Variants in KIF6 observed in about 807,000 individuals in gnomAD.
KIF6 encodes the protein kinesin family member 6, also known as kinesin-like protein KIF6.
In KIF6, 106 loss-of-function variants were observed where a neutral mutation model predicts 112.7. That is an observed-to-expected ratio of 0.94 (90% CI 0.80 to 1.11). KIF6 has a LOEUF of 1.11. Among genes scored for constraint, KIF6 ranks in the 50% least tolerant of loss-of-function variants. The pLI, the probability that KIF6 is intolerant of heterozygous loss-of-function variation, is 0.00. For synonymous variants in KIF6, 339 were observed against 339.9 expected (o/e 1.00, Z 0.03); for missense variants, 929 against 964.0 (o/e 0.96, Z 0.48).
intron 3 of KIF6, among the ~76,000 whole-genome samples, chr6:39,648,227 G>T (rs1561895707): frequency 3.1e-5 from 2 of 64,350 alleles, no homozygotes; most frequent in Admixed American, 1.6e-4. Context: ...GGCGGGCGGG[G>T]GGGGGTGCCT....
intron 13 of KIF6, among the ~76,000 whole-genome samples, chr6:39,505,831 G>C (rs1415375223): frequency 6.6e-6 from 1 of 152,092 alleles, no homozygotes; most frequent in African/African-American, 2.4e-5. Context: ...CAGAATGGCT[G>C]TTATCAAAAA....
intron 13 of KIF6, among the ~76,000 whole-genome samples, chr6:39,531,902 A>G (rs993978208): frequency 2.6e-5 from 4 of 151,842 alleles, no homozygotes; most frequent in Non-Finnish European, 5.9e-5. Flanking sequence ...ATGTCAATCA[A>G]CCTGTCGTCC....
At position 39,578,051 on chromosome 6, in the gene KIF6, C is replaced by T; in HGVS notation, c.1181+5G>A. 6.3e-7 allele frequency: 1 copy of T among 1,598,262 alleles called. No homozygotes were observed. The highest frequency in any genetic ancestry group is 8.6e-7 in the Non-Finnish European group (1 of 1,167,004). ...AGAAAAAGAAAAAAAAGTCTGCAGACTTACTGAAGGAGCTCTGCTTCTGTG... is the reference window on the plus strand; with the variant it reads ...AGAAAAAGAAAAAAAAGTCTGCAGATTTACTGAAGGAGCTCTGCTTCTGTG... On this transcript the variant is annotated splice_donor_5th_base_variant and intron_variant, in intron 10 of 22. Coordinates refer to ENST00000287152, the MANE Select transcript of KIF6 (RefSeq NM_145027.6).
rs1319727139 is a variant in KIF6 at position 39,346,470 on chromosome 6, C to G, written c.2231+6G>C. Reference sequence around the variant, plus strand: ...GCTGTCTATGAACCGGGAAGGGGGTCCTCACCAGACATCGAATCTGCCAGT... The same window carrying G: ...GCTGTCTATGAACCGGGAAGGGGGTGCTCACCAGACATCGAATCTGCCAGT... On this transcript the variant is annotated splice_donor_region_variant and intron_variant, in intron 20 of 22. Transcript: ENST00000287152. 2 of 716,562 alleles carry G rather than the reference C, an allele frequency of 2.8e-6. No homozygotes were observed. Among genetic ancestry groups the G allele is most frequent in the Non-Finnish European group, 5.2e-6 (2 of 385,020 alleles). The allele number at this position is 716,562 out of a possible 1,614,324, so 44.4% of individuals were successfully genotyped here.
At position 39,539,029 on chromosome 6, in the gene KIF6, G is replaced by A. The variant is rs879644327; in HGVS notation, c.1645+974C>T. The stretch of plus-strand genomic sequence containing the variant: ...GGGAATTGAACAATGAGAACACATC[G>A]ACACAGGAAGGGGAACATCACACTC... On this transcript the variant is annotated intron_variant, in intron 13 of 22. Coordinates refer to ENST00000287152, the MANE Select transcript of KIF6 (RefSeq NM_145027.6). Among the ~76,000 whole-genome samples, 234 of 134,334 alleles carry A rather than the reference G, an allele frequency of 1.7e-3. 1 individual carries two copies. Among genetic ancestry groups the A allele is most frequent in the Non-Finnish European group, 3.0e-3 (195 of 65,164 alleles). 88.1% of individuals were successfully genotyped at this position (134,334 alleles called of 152,430 possible). A position where few individuals can be genotyped will look rare whatever the true frequency, so the allele number is the denominator to read the frequency against.
At chr6:39,391,709 T>C (rs1460007339) in intron 15 of KIF6, among the ~76,000 whole-genome samples, 1 of 151,998 alleles carries the variant, frequency 6.6e-6, no homozygotes, top group Non-Finnish European at 1.5e-5. Context: ...AATCTCATGC[T>C]AAAAAAAAGA....
intron 3 of KIF6, among the ~76,000 whole-genome samples, chr6:39,673,678 G>A (rs936185923): frequency 2.0e-5 from 3 of 152,186 alleles, no homozygotes; most frequent in African/African-American, 7.2e-5. Context: ...CATGGACTGT[G>A]ACACTAAATA....
At chr6:39,537,882 G>T (rs943670034) in intron 13 of KIF6, among the ~76,000 whole-genome samples, 4 of 152,082 alleles carry the variant, frequency 2.6e-5, no homozygotes, top group African/African-American at 9.7e-5. Context: ...TAGACCAATG[G>T]AACAGAACAG....
intron 3 of KIF6, among the ~76,000 whole-genome samples, chr6:39,695,126 A>G (rs1192741253): frequency 2.6e-5 from 4 of 152,138 alleles, no homozygotes; most frequent in Non-Finnish European, 4.4e-5. Context: ...ATGAAAAAGA[A>G]TCAAACTGGA....
intron 15 of KIF6, among the ~76,000 whole-genome samples, chr6:39,405,760 T>G (rs1034062215): frequency 1.3e-5 from 2 of 152,124 alleles, no homozygotes; most frequent in Non-Finnish European, 2.9e-5. Flanking sequence ...ATAAAATTGG[T>G]GTTATTTCTT....
At chr6:39,715,556 T>A (rs1158567579) in intron 2 of KIF6, among the ~76,000 whole-genome samples, 1 of 146,482 alleles carries the variant, frequency 6.8e-6, no homozygotes, top group Non-Finnish European at 1.5e-5. Context: ...CAGGCTGGAG[T>A]GCAGTGGCGC....
intron 7 of KIF6, among the ~76,000 whole-genome samples, chr6:39,595,593 C>T (rs963285944): frequency 5.9e-5 from 9 of 152,114 alleles, no homozygotes; most frequent in South Asian, 2.1e-4. Context: ...CAGCATGTGA[C>T]GCAGACATAC....
intron 15 of KIF6, among the ~76,000 whole-genome samples, chr6:39,403,658 C>T (rs1768873525): frequency 1.3e-5 from 2 of 152,154 alleles, no homozygotes; most frequent in Non-Finnish European, 2.9e-5. Flanking sequence ...TTTCATTTCT[C>T]TAGGGTAGGT....
chr6:39,623,403 C>T (rs930864441), intron 5 of KIF6, among the ~76,000 whole-genome samples: 2 of 152,178 alleles, frequency 1.3e-5, no homozygotes, highest in Non-Finnish European at 1.5e-5. Flanking sequence ...ATTCCTATTG[C>T]ACACTCAGAA....
intron 9 of KIF6, among the ~76,000 whole-genome samples, chr6:39,581,085 C>T (rs1438312613): frequency 6.6e-6 from 1 of 151,488 alleles, no homozygotes; most frequent in African/African-American, 2.4e-5. Context: ...TTTGGTAGTA[C>T]TCAAAACTTG....
intron 10 of KIF6, among the ~76,000 whole-genome samples, chr6:39,558,380 A>G (rs1779835177): frequency 6.6e-6 from 1 of 152,108 alleles, no homozygotes; most frequent in African/African-American, 2.4e-5. Context: ...ATAAGTGCAC[A>G]TTTTCACACT....
rs1223826824 is a variant in KIF6 at position 39,335,705 on chromosome 6, C to T, written c.*827G>A. ...CCTTGGATCTGTCATGGAGAGGGCCCATGGAGACAAGACCCCCAGGCAGCT... is the reference window on the plus strand; with the variant it reads ...CCTTGGATCTGTCATGGAGAGGGCCTATGGAGACAAGACCCCCAGGCAGCT... On this transcript the variant is annotated 3_prime_UTR_variant, in exon 23 of 23. Transcript: ENST00000287152. 1 of 152,222 alleles carries T rather than the reference C, an allele frequency of 6.6e-6. No homozygotes were observed. The highest frequency in any genetic ancestry group is 1.5e-5 in the Non-Finnish European group (1 of 68,092). The allele number at this position is 152,222 out of a possible 1,614,324, so 9.4% of individuals were successfully genotyped here.
At chr6:39,446,037 C>T (rs1320513258) in intron 13 of KIF6, among the ~76,000 whole-genome samples, 1 of 152,152 alleles carries the variant, frequency 6.6e-6, no homozygotes, top group African/African-American at 2.4e-5. Context: ...AGAAGATTTC[C>T]TTTAGTGTAA....
intron 1 of KIF6, among the ~76,000 whole-genome samples, chr6:39,721,923 CAT>C (rs1189838647): frequency 6.6e-6 from 1 of 150,988 alleles, no homozygotes; most frequent in Non-Finnish European, 1.5e-5. Flanking sequence ...AGGAAAAAGT[CAT>C]ATTCCTAAGC....
Sources: gnomAD v4.1 joint callset for allele counts (sites outside exome capture counted in the v4.1 genomes callset) on GRCh38, gnomAD v4.1.1 for gene constraint, MANE v1.5 for transcripts, NCBI Gene and HGNC (gene_info 2026-07-23, HGNC 2026-07-21) for gene names.